Variants in CHCHD3 observed in about 807,000 individuals in gnomAD.
CHCHD3 encodes coiled-coil-helix-coiled-coil-helix domain containing 3.
A neutral mutation model predicts 38.2 loss-of-function variants in CHCHD3; 20 were observed. The ratio of observed to expected loss-of-function variants is 0.52; its 90% CI spans 0.37 to 0.76. The LOEUF is 0.76. Among genes scored for constraint, CHCHD3 ranks in the 30% least tolerant of loss-of-function variants. The pLI is 0.00. For synonymous variants in CHCHD3, 82 were observed against 100.0 expected (o/e 0.82, Z 1.07); for missense variants, 245 against 279.2 (o/e 0.88, Z 0.87).
intron 4 of CHCHD3, among the ~76,000 whole-genome samples, chr7:132,902,664 G>C (rs1809699794): frequency 6.6e-6 from 1 of 152,150 alleles, no homozygotes; most frequent in Non-Finnish European, 1.5e-5. Context: ...ACCCGGGCCT[G>C]TTGTGAGGTA....
intron 5 of CHCHD3, among the ~76,000 whole-genome samples, chr7:132,855,135 C>T (rs1169905927): frequency 1.3e-5 from 2 of 152,056 alleles, no homozygotes; most frequent in Non-Finnish European, 2.9e-5. Flanking sequence ...TAAATCAGTC[C>T]CTAAGTCCAG....
chr7:132,789,729 G>T (rs1040668812), intron 7 of CHCHD3, among the ~76,000 whole-genome samples: 2 of 152,232 alleles, frequency 1.3e-5, no homozygotes, highest in Non-Finnish European at 2.9e-5. Context: ...TGTTTTTTAA[G>T]ATACCACTCA....
intron 1 of CHCHD3, among the ~76,000 whole-genome samples, chr7:133,071,101 C>T (rs192635022): frequency 6.6e-6 from 1 of 152,134 alleles, no homozygotes; most frequent in Non-Finnish European, 1.5e-5. Context: ...CACAGCCTTG[C>T]GGATTTGAGA....
intron 4 of CHCHD3, among the ~76,000 whole-genome samples, chr7:132,918,182 G>A (rs1810164849): frequency 6.6e-6 from 1 of 152,146 alleles, no homozygotes; most frequent in Non-Finnish European, 1.5e-5. Flanking sequence ...AAAATCTATA[G>A]CATTGAAAAG....
Position 132,879,716 on chromosome 7 carries a change from T to TAAAAAAA in CHCHD3, c.453+5939_453+5945dup, listed in dbSNP as rs56259114. On this transcript the variant is annotated intron_variant, in intron 5 of 7. Transcript: ENST00000262570. ...AACTATCAGAACACTTTGTCAAAAG[T>TAAAAAAA]AAAAAAAAAAAAAAAAAAAAAAAAA... Among the ~76,000 whole-genome samples the TAAAAAAA allele has an allele frequency of 9.8e-3, 375 of 38,444 alleles. 19 individuals are homozygous for TAAAAAAA. The highest frequency in any genetic ancestry group is 0.029 in the East Asian group (25 of 866). 25.2% of individuals were successfully genotyped at this position (38,444 alleles called of 152,430 possible). A position where few individuals can be genotyped will look rare whatever the true frequency, so the allele number is the denominator to read the frequency against.
intron 6 of CHCHD3, among the ~76,000 whole-genome samples, chr7:132,820,746 AT>A (rs201139194): frequency 3.2e-4 from 48 of 151,410 alleles, no homozygotes; most frequent in African/African-American, 9.5e-4. Flanking sequence ...GGAAAAAAAA[AT>A]ATATATATGG....
At chr7:132,842,397 T>C (rs1807962488) in intron 5 of CHCHD3, among the ~76,000 whole-genome samples, 1 of 152,154 alleles carries the variant, frequency 6.6e-6, no homozygotes, top group Non-Finnish European at 1.5e-5. Context: ...TTCACCTAGG[T>C]TCCCCTTATG....
rs867602201 is a variant in CHCHD3 at position 133,081,890 on chromosome 7, C to T, written c.48G>A (p.Glu16=). 2 of 1,558,874 alleles carry T rather than the reference C, an allele frequency of 1.3e-6. No individual in the cohort carries two copies. The highest frequency in any genetic ancestry group is 1.4e-5 in the African/African-American group (1 of 73,508). ...STRRVTFEAD[E]NENITVVKGI... is the part of the protein sequence containing the mutation. Reference sequence around the variant, plus strand: ...CCTTCACCACGGTGATGTTCTCATTCTCGTCCGCCTCGAAGGTGACCCGGC... The same window carrying T: ...CCTTCACCACGGTGATGTTCTCATTTTCGTCCGCCTCGAAGGTGACCCGGC... The change falls in exon 1 of 8, where the codon GAG becomes GAA. Residue 16 remains glutamate, a synonymous_variant. Coordinates refer to ENST00000262570, the MANE Select transcript of CHCHD3 (RefSeq NM_017812.4).
At chr7:132,816,859 A>C (rs1054825333) in intron 6 of CHCHD3, among the ~76,000 whole-genome samples, 4 of 152,212 alleles carry the variant, frequency 2.6e-5, no homozygotes, top group Non-Finnish European at 5.9e-5. Context: ...TGCCTCCCAC[A>C]TTTGCACAAA....
intron 3 of CHCHD3, among the ~76,000 whole-genome samples, chr7:133,009,506 A>G (rs1812801983): frequency 6.6e-6 from 1 of 151,032 alleles, no homozygotes; most frequent in South Asian, 2.1e-4. Flanking sequence ...GGGGGGCACG[A>G]GGAGAGAAGA....
At chr7:133,031,534 C>T (rs1033297200) in intron 2 of CHCHD3, among the ~76,000 whole-genome samples, 1 of 151,994 alleles carries the variant, frequency 6.6e-6, no homozygotes, top group African/African-American at 2.4e-5. Flanking sequence ...CTATAATTCC[C>T]TCCCCAATTA....
At chr7:132,875,528 T>A (rs1331877703) in intron 5 of CHCHD3, among the ~76,000 whole-genome samples, 1 of 152,198 alleles carries the variant, frequency 6.6e-6, no homozygotes, top group Admixed American at 6.5e-5. Flanking sequence ...CAAAATCCCA[T>A]GATCTTTAGC....
At chr7:132,913,822 A>G (rs928489625) in intron 4 of CHCHD3, among the ~76,000 whole-genome samples, 2 of 152,218 alleles carry the variant, frequency 1.3e-5, no homozygotes, top group African/African-American at 4.8e-5. Flanking sequence ...AATGGGACCC[A>G]CTGGGAAGCA....
intron 2 of CHCHD3, among the ~76,000 whole-genome samples, chr7:133,065,051 AAAGGT>A (rs1343331209): frequency 2.6e-5 from 4 of 152,226 alleles, no homozygotes; most frequent in Non-Finnish European, 5.9e-5. Context: ...ATGTTAATGA[AAAGGT>A]AAGTTTATAA....
intron 5 of CHCHD3, among the ~76,000 whole-genome samples, chr7:132,885,252 A>G (rs895902490): frequency 6.6e-6 from 1 of 152,204 alleles, no homozygotes; most frequent in African/African-American, 2.4e-5. Context: ...ATTCCATTTC[A>G]AAAAGAAAAA....
chr7:132,906,740 GTCTTTGCAGAAAGCTA>G (rs1809813575), intron 4 of CHCHD3, among the ~76,000 whole-genome samples: 1 of 152,184 alleles, frequency 6.6e-6, no homozygotes. Flanking sequence ...TGCCTAGCAG[GTCTTTGCAGAAAGCTA>G]TCTTTTGTCC....
chr7:132,898,055 T>C (rs1258095253), intron 4 of CHCHD3, among the ~76,000 whole-genome samples: 1 of 151,290 alleles, frequency 6.6e-6, no homozygotes, highest in Non-Finnish European at 1.5e-5. Flanking sequence ...TCTGGAGTTG[T>C]TTGTTCCTCC....
At chr7:132,945,517 A>G (rs531687044) in intron 4 of CHCHD3, among the ~76,000 whole-genome samples, 4 of 152,002 alleles carry the variant, frequency 2.6e-5, no homozygotes, top group Non-Finnish European at 5.9e-5. Flanking sequence ...ATGTGATTAA[A>G]TGACCTCAAA....
At chr7:132,999,408 A>C (rs947237830) in intron 3 of CHCHD3, among the ~76,000 whole-genome samples, 1 of 152,170 alleles carries the variant, frequency 6.6e-6, no homozygotes, top group African/African-American at 2.4e-5. Context: ...AGGAACAAAG[A>C]AAAGTCTGTT....
Sources: gnomAD v4.1 joint callset for allele counts (sites outside exome capture counted in the v4.1 genomes callset) on GRCh38, gnomAD v4.1.1 for gene constraint, MANE v1.5 for transcripts, NCBI Gene and HGNC (gene_info 2026-07-23, HGNC 2026-07-21) for gene names.